SEC31B: variants seen among roughly 807,000 people sequenced by gnomAD.
SEC31B encodes the protein protein transport protein Sec31B.
A neutral mutation model predicts 135.0 loss-of-function variants in SEC31B; 113 were observed. The ratio of observed to expected loss-of-function variants is 0.84; its 90% CI spans 0.72 to 0.98. The LOEUF is 0.98. SEC31B is among the 50% of genes least tolerant of loss of function. The pLI, the probability that SEC31B is intolerant of heterozygous loss-of-function variation, is 0.00. For synonymous variants in SEC31B, 508 were observed against 549.4 expected (o/e 0.92, Z 1.05); for missense variants, 1,296 against 1,421.1 (o/e 0.91, Z 1.42).
Position 100,509,399 on chromosome 10 carries a change from G to C in SEC31B, c.316C>G (p.Leu106Val), listed in dbSNP as rs554078291. 1.9e-5 allele frequency: 30 copies of C among 1,614,184 alleles called. No individual in the cohort carries two copies. Among genetic ancestry groups the C allele is most frequent in the Non-Finnish European group, 2.4e-5 (28 of 1,180,030 alleles). Residue 106 changes from leucine (L) to valine (V), a missense_variant, in exon 4 of 26, where the codon CTG (leucine) becomes GTG (valine). By Grantham distance (32) the Leu-to-Val change is conservative. Transcript: ENST00000370345. ...ATCACAGGCTCCTTCCCCGAAGACA[G>C]GATGTGGGTCACATTGTATAGAATA... ...MLILYNVTHILSSGKEPVIAQ... is the reference protein window; with the variant it reads ...MLILYNVTHIVSSGKEPVIAQ...
At chr10:100,490,946 G>A (rs921712690) in intron 19 of SEC31B, 63 bp from the exon 20 acceptor site, 38 of 1,191,778 alleles carry the variant, frequency 3.2e-5, no homozygotes, top group Non-Finnish European at 1.1e-5. Context: ...ATAGAAAACA[G>A]AAAAATAATA....
At position 100,489,701 on chromosome 10, in the gene SEC31B, A is replaced by G; in HGVS notation, c.3024+2T>C. 6.2e-7 allele frequency: 1 copy of G among 1,614,046 alleles called. No homozygotes were observed. The highest frequency in any genetic ancestry group is 8.5e-7 in the Non-Finnish European group (1 of 1,179,994). ...GGAGTGGGTAGGGAAAGATGCATTG[A>G]CCTTGTTCCTCTGGAGGTTTCCCCT... is the stretch of plus-strand genomic sequence containing the variant. On this transcript the variant is annotated splice_donor_variant, in intron 22 of 25. Transcript: ENST00000370345. LOFTEE classifies it high-confidence loss of function.
chr10:100,516,271 G>C (rs375682377), intron 2 of SEC31B, 52 bp from the exon 3 acceptor site: 2 of 1,591,004 alleles, frequency 1.3e-6, no homozygotes, highest in Non-Finnish European at 1.7e-6. Flanking sequence ...ATGGATTTCA[G>C]GTATAAGAAG....
intron 1 of SEC31B, among the ~76,000 whole-genome samples, chr10:100,517,654 T>C (rs1851874258): frequency 6.6e-6 from 1 of 152,230 alleles, no homozygotes; most frequent in South Asian, 2.1e-4. Flanking sequence ...ATATAGTAGA[T>C]ACTTAATGGG....
intron 3 of SEC31B, among the ~76,000 whole-genome samples, chr10:100,514,293 G>A (rs1329150153): frequency 1.3e-5 from 2 of 152,136 alleles, no homozygotes; most frequent in African/African-American, 2.4e-5. Flanking sequence ...TAGCCCTAAG[G>A]AGCCACTACT....
At chr10:100,503,085 C>G (rs1431120353) in intron 10 of SEC31B, among the ~76,000 whole-genome samples, 1 of 152,152 alleles carries the variant, frequency 6.6e-6, no homozygotes, top group Non-Finnish European at 1.5e-5. Flanking sequence ...CCAAACCTAT[C>G]TTTCCCAGCA....
Position 100,506,049 on chromosome 10 carries a change from C to T in SEC31B, c.1035G>A (p.Gln345=), listed in dbSNP as rs771738889. 3 of 1,613,742 alleles carry T rather than the reference C, an allele frequency of 1.9e-6. No homozygotes were observed. The highest frequency in any genetic ancestry group is 2.7e-5 in the African/African-American group (2 of 74,910). ...ACCAAGCCCTTCAAACCTTGTCAGCCTGTCTCATATGCTGGACTTCCCAGC... is the reference window on the plus strand; with the variant it reads ...ACCAAGCCCTTCAAACCTTGTCAGCTTGTCTCATATGCTGGACTTCCCAGC... ...GRSWEVQHMR[Q]ADKISSSFSK... The change falls in exon 9 of 26, where the codon CAG becomes CAA. Residue 345 remains glutamine, a synonymous_variant. Coordinates refer to ENST00000370345, the MANE Select transcript of SEC31B (RefSeq NM_015490.4).
chr10:100,495,133 G>A (rs1315697172), intron 19 of SEC31B: 11 of 441,530 alleles, frequency 2.5e-5, no homozygotes. Flanking sequence ...GCCTACTGTA[G>A]CTATTTTTTA....
intron 19 of SEC31B, chr10:100,495,063 T>A: frequency 2.9e-6 from 1 of 340,128 alleles, no homozygotes; most frequent in South Asian, 2.5e-5. Context: ...CCAAACCTCA[T>A]GATCTGCCCG....
chr10:100,489,085 G>C, intron 23 of SEC31B, 111 bp from the exon 24 acceptor site: 1 of 1,488,860 alleles, frequency 6.7e-7, no homozygotes, highest in Non-Finnish European at 8.9e-7. Flanking sequence ...CATTACAGCA[G>C]AGTTGGGGAG....
intron 9 of SEC31B, 196 bp downstream of exon 9, chr10:100,505,844 T>C (rs1436625018): frequency 1.3e-6 from 2 of 1,485,170 alleles, no homozygotes; most frequent in Non-Finnish European, 1.8e-6. Context: ...AGAGTCAAGG[T>C]GAAGGCCTTC....
Position 100,487,296 on chromosome 10 carries a change from C to A in SEC31B, c.*320G>T, listed in dbSNP as rs1011437203. On this transcript the variant is annotated 3_prime_UTR_variant, in exon 26 of 26. Coordinates refer to ENST00000370345, the MANE Select transcript of SEC31B (RefSeq NM_015490.4). ...CAATCCTGTTCACCCTCTCAGAAGC[C>A]ACTTAAATAGAAGATCCCTGGGGGA... 1.6e-5 allele frequency: 5 copies of A among 312,716 alleles called. No individual in the cohort carries two copies. The highest frequency in any genetic ancestry group is 2.4e-5 in the Non-Finnish European group (4 of 167,134). 19.4% of individuals were successfully genotyped at this position (312,716 alleles called of 1,614,324 possible). A position where few individuals can be genotyped will look rare whatever the true frequency, so the allele number is the denominator to read the frequency against.
chr10:100,495,043 G>A lies in SEC31B; in HGVS notation c.2472+342C>T, dbSNP rs181906578. The A allele has an allele frequency of 1.3e-5, 4 of 318,248 alleles. No individual in the cohort carries two copies. In the Admixed American group the frequency reaches 1.4e-4, roughly 11 times the overall value. 19.7% of individuals were successfully genotyped at this position (318,248 alleles called of 1,614,324 possible). A position where few individuals can be genotyped will look rare whatever the true frequency, so the allele number is the denominator to read the frequency against. ...GGGTTTCACCATGTTGGCTAGGATGGTCTCGAACTCCAAACCTCATGATCT... is the reference window on the plus strand; with the variant it reads ...GGGTTTCACCATGTTGGCTAGGATGATCTCGAACTCCAAACCTCATGATCT... On this transcript the variant is annotated intron_variant, in intron 19 of 25. Coordinates refer to ENST00000370345, the MANE Select transcript of SEC31B (RefSeq NM_015490.4).
chr10:100,510,193 G>C (rs758673465), intron 3 of SEC31B, among the ~76,000 whole-genome samples: 1 of 152,198 alleles, frequency 6.6e-6, no homozygotes, highest in East Asian at 1.9e-4. Context: ...AAACTCTTCT[G>C]TAACTATTAG....
intron 11 of SEC31B, among the ~76,000 whole-genome samples, chr10:100,501,968 T>C (rs1851532539): frequency 6.6e-6 from 1 of 152,250 alleles, no homozygotes; most frequent in Non-Finnish European, 1.5e-5. Flanking sequence ...GTCTTTGCCT[T>C]GGCCCTGGTA....
At chr10:100,514,276 G>C (rs1026906527) in intron 3 of SEC31B, among the ~76,000 whole-genome samples, 2 of 152,152 alleles carry the variant, frequency 1.3e-5, no homozygotes, top group African/African-American at 4.8e-5. Context: ...TCTTTCTTAA[G>C]AACCCTTAGC....
At chr10:100,502,060 G>T (rs970981987) in intron 11 of SEC31B, among the ~76,000 whole-genome samples, 194 bp downstream of exon 11, 12 of 152,156 alleles carry the variant, frequency 7.9e-5, no homozygotes, top group Admixed American at 7.9e-4. Flanking sequence ...CTTCCCAAAT[G>T]GCCTTTGAGC....
At chr10:100,515,025 C>T (rs929067131) in intron 3 of SEC31B, among the ~76,000 whole-genome samples, 1 of 150,864 alleles carries the variant, frequency 6.6e-6, no homozygotes, top group Admixed American at 6.6e-5. Flanking sequence ...GGCTCAGTGG[C>T]TCACACCTAT....
chr10:100,505,215 G>T, intron 10 of SEC31B, 146 bp downstream of exon 10: 1 of 967,580 alleles, frequency 1.0e-6, no homozygotes, highest in Non-Finnish European at 1.5e-6. Flanking sequence ...GAGAGGTAAA[G>T]TGGGATCCAT....
Sources: allele counts gnomAD v4.1 joint callset (sites outside exome capture counted in the v4.1 genomes callset), GRCh38; gene constraint gnomAD v4.1.1; transcripts MANE v1.5; gene names NCBI Gene and HGNC (gene_info 2026-07-23, HGNC 2026-07-21).